ANKRD30B: variants seen among roughly 807,000 people sequenced by gnomAD.
ANKRD30B encodes ankyrin repeat domain-containing protein 30B.
Under a neutral mutation model 202.2 loss-of-function variants are expected in ANKRD30B, and 144 were observed. The observed-to-expected ratio is 0.71, with a 90% CI of 0.62 to 0.82. The LOEUF is 0.82. Among genes scored for constraint, ANKRD30B ranks in the 40% least tolerant of loss-of-function variants. The pLI is 0.00. For synonymous variants in ANKRD30B, 508 were observed against 561.3 expected (o/e 0.91, Z 1.34); for missense variants, 1,487 against 1,669.1 (o/e 0.89, Z 1.90).
the ANKRD30B span, among the ~76,000 whole-genome samples, chr18:14,868,453 C>A: frequency 6.6e-6 from 1 of 152,266 alleles, no homozygotes; most frequent in African/African-American, 2.4e-5. Context: ...TTGTGATAAA[C>A]CTTAAGGGAC....
intron 30 of ANKRD30B, among the ~76,000 whole-genome samples, chr18:14,820,749 G>A (rs552949272): frequency 3.6e-4 from 55 of 152,158 alleles, no homozygotes; most frequent in African/African-American, 1.3e-3. Context: ...TTGATGTGCT[G>A]CTGGATTCAT....
intron 19 of ANKRD30B, 42 bp from the exon 20 acceptor site, chr18:14,797,740 T>G (rs1328492163): frequency 6.2e-7 from 1 of 1,601,940 alleles, no homozygotes; most frequent in Admixed American, 1.7e-5. Flanking sequence ...ATTTTTGAAG[T>G]GTACATTATA....
chr18:14,932,982 T>C, the ANKRD30B span, among the ~76,000 whole-genome samples: 1 of 152,220 alleles, frequency 6.6e-6, no homozygotes, highest in Non-Finnish European at 1.5e-5. Flanking sequence ...TTTAAGTACA[T>C]CTGTTGTTTC....
the ANKRD30B span, among the ~76,000 whole-genome samples, chr18:14,865,832 G>GT: frequency 2.6e-5 from 4 of 152,260 alleles, no homozygotes; most frequent in Non-Finnish European, 4.4e-5. Context: ...CCTCCAGTCT[G>GT]TCCTGGTCCT....
chr18:14,856,024 G>A (rs1353781552), downstream of ANKRD30B, among the ~76,000 whole-genome samples: 8 of 135,066 alleles, frequency 5.9e-5, no homozygotes, highest in African/African-American at 1.4e-4. Flanking sequence ...AGGCAGAGGT[G>A]CTCCTCGCCT....
At chr18:14,878,800 G>A in the ANKRD30B span, among the ~76,000 whole-genome samples, 158 of 152,308 alleles carry the variant, frequency 1.0e-3, 1 homozygote, top group African/African-American at 3.4e-3. Context: ...AGTGTTAGGC[G>A]TGGAGCTTTC....
At chr18:14,799,342 C>T (rs771705134) in intron 22 of ANKRD30B, 47 bp downstream of exon 22, 3 of 1,445,252 alleles carry the variant, frequency 2.1e-6, no homozygotes, top group South Asian at 2.8e-5. Flanking sequence ...GAATATTAAA[C>T]TATTTGAAAT....
chr18:14,922,492 A>G, the ANKRD30B span, among the ~76,000 whole-genome samples: 1 of 151,582 alleles, frequency 6.6e-6, no homozygotes, highest in African/African-American at 2.4e-5. Flanking sequence ...CATCTCTACT[A>G]AAAATACAAA....
At chr18:14,865,030 A>G in the ANKRD30B span, among the ~76,000 whole-genome samples, 9 of 143,352 alleles carry the variant, frequency 6.3e-5, no homozygotes, top group East Asian at 1.9e-3. Flanking sequence ...ACCCCGAACT[A>G]TTTTCCCCAT....
chr18:14,914,360 C>T, the ANKRD30B span, among the ~76,000 whole-genome samples: 1 of 152,182 alleles, frequency 6.6e-6, no homozygotes, highest in Non-Finnish European at 1.5e-5. Flanking sequence ...GTGTGGGGAT[C>T]CACTGCTCCT....
At chr18:14,922,248 C>A in the ANKRD30B span, among the ~76,000 whole-genome samples, 1 of 152,082 alleles carries the variant, frequency 6.6e-6, no homozygotes, top group Admixed American at 6.5e-5. Flanking sequence ...ACAGAGGGAG[C>A]ATTTACACCA....
At chr18:14,815,742 T>C (rs969314818) in intron 30 of ANKRD30B, among the ~76,000 whole-genome samples, 33 of 152,206 alleles carry the variant, frequency 2.2e-4, no homozygotes, top group African/African-American at 8.0e-4. Flanking sequence ...ATGTTATTAA[T>C]ATTTAATAAG....
intron 32 of ANKRD30B, 128 bp from the exon 33 acceptor site, chr18:14,828,147 ATCC>A (rs1223108731): frequency 1.5e-6 from 1 of 685,200 alleles, no homozygotes; most frequent in African/African-American, 1.8e-5. Flanking sequence ...CTCTCAGATG[ATCC>A]TCCTGCCTCA....
At chr18:14,924,582 G>A in the ANKRD30B span, among the ~76,000 whole-genome samples, 6 of 152,206 alleles carry the variant, frequency 3.9e-5, no homozygotes, top group Admixed American at 3.9e-4. Context: ...GAGAGATACA[G>A]CAGAGCCGGG....
intron 24 of ANKRD30B, among the ~76,000 whole-genome samples, chr18:14,806,652 A>T (rs1301160519): frequency 1.3e-5 from 2 of 149,164 alleles, no homozygotes; most frequent in African/African-American, 5.0e-5. Flanking sequence ...ATGCCAAGTG[A>T]TAAACGGTTC....
chr18:14,902,605 C>T, the ANKRD30B span, among the ~76,000 whole-genome samples: 4 of 152,162 alleles, frequency 2.6e-5, no homozygotes, highest in African/African-American at 9.7e-5. Context: ...CTGCAGGGAG[C>T]TGTCCTCCTC....
intron 39 of ANKRD30B, among the ~76,000 whole-genome samples, chr18:14,844,839 G>C (rs1477930158): frequency 3.3e-5 from 5 of 152,002 alleles, no homozygotes; most frequent in Non-Finnish European, 7.4e-5. Flanking sequence ...GGCCAGTGAT[G>C]ATGAGCATTT....
At chr18:14,798,158 T>C (rs894094942) in intron 20 of ANKRD30B, among the ~76,000 whole-genome samples, 1 of 151,134 alleles carries the variant, frequency 6.6e-6, no homozygotes, top group Non-Finnish European at 1.5e-5. Context: ...GACAAGATAG[T>C]GAAAGCTGTG....
chr18:14,874,376 A>C, the ANKRD30B span, among the ~76,000 whole-genome samples: 2 of 152,288 alleles, frequency 1.3e-5, no homozygotes, highest in Non-Finnish European at 2.9e-5. Context: ...GGCTGTGACT[A>C]ACTCATGGCT....
Sources: allele counts gnomAD v4.1 joint callset (sites outside exome capture counted in the v4.1 genomes callset), GRCh38; gene constraint gnomAD v4.1.1; transcripts MANE v1.5; gene names NCBI Gene and HGNC (gene_info 2026-07-23, HGNC 2026-07-21).